PACS1: variants seen among roughly 807,000 people sequenced by gnomAD.
The protein encoded by PACS1 is PACS-1.
A neutral mutation model predicts 115.0 loss-of-function variants in PACS1; 24 were observed. That is an observed-to-expected ratio of 0.21 (90% CI 0.15 to 0.29). The LOEUF is 0.29. PACS1 is among the 10% of genes least tolerant of loss of function. The pLI, the probability that PACS1 is intolerant of heterozygous loss-of-function variation, is 1.00. For missense variants in PACS1, 838 were observed against 1,251.2 expected (o/e 0.67, Z 4.98); for synonymous variants, 453 against 504.5 (o/e 0.90, Z 1.37).
At chr11:66,215,724 C>G (rs751116505) in intron 4 of PACS1, among the ~76,000 whole-genome samples, 7 of 151,804 alleles carry the variant, frequency 4.6e-5, no homozygotes, top group African/African-American at 7.3e-5. Context: ...TAGTGAAACC[C>G]TGTCTCTACT....
intron 1 of PACS1, among the ~76,000 whole-genome samples, chr11:66,157,375 G>A (rs756639233): frequency 1.4e-4 from 21 of 152,140 alleles, no homozygotes; most frequent in Non-Finnish European, 1.0e-4. Flanking sequence ...GCTCCACTAA[G>A]TATTTGCAGT....
chr11:66,236,204 C>A lies in PACS1; in HGVS notation c.2250+264C>A, dbSNP rs2134744364. Among the ~76,000 whole-genome samples the A allele has an allele frequency of 6.6e-6, 1 of 152,276 alleles. No homozygotes were observed. The highest frequency in any genetic ancestry group is 1.9e-4 in the East Asian group (1 of 5,178). On this transcript the variant is annotated intron_variant, in intron 19 of 23. Coordinates refer to ENST00000320580, the MANE Select transcript of PACS1 (RefSeq NM_018026.4). This position sits in a 1 kb window ranked among gnomAD's most constrained non-coding sequence, Gnocchi z 4.2. ...CAGAGAATGGCTTGGCCCCAAGTGT[C>A]AGTAGTGCAGAGGTGGAGAAACCCT...
chr11:66,176,281 T>C (rs1363864363), intron 1 of PACS1, among the ~76,000 whole-genome samples: 1 of 152,216 alleles, frequency 6.6e-6, no homozygotes, highest in African/African-American at 2.4e-5. Context: ...CCCATATTTA[T>C]GTACATTTGT....
At chr11:66,096,208 T>C (rs1032975462) in intron 1 of PACS1, among the ~76,000 whole-genome samples, 10 of 94,154 alleles carry the variant, frequency 1.1e-4, no homozygotes, top group African/African-American at 3.5e-4. Flanking sequence ...TCTTTTTCTT[T>C]CTTTTTTTTT....
At chr11:66,126,126 G>A (rs944293037) in intron 1 of PACS1, among the ~76,000 whole-genome samples, 2 of 151,586 alleles carry the variant, frequency 1.3e-5, no homozygotes, top group Middle Eastern at 6.8e-3. Context: ...GTTAGTGTTC[G>A]ACATTACTAG....
chr11:66,070,393 G>T lies in PACS1; in HGVS notation c.-94G>T. 1.4e-6 allele frequency: 1 copy of T among 724,060 alleles called. No homozygotes were observed. Among genetic ancestry groups the T allele is most frequent in the Non-Finnish European group, 1.9e-6 (1 of 540,326 alleles). The allele number at this position is 724,060 out of a possible 1,614,324, so 44.9% of individuals were successfully genotyped here. A position where few individuals can be genotyped will look rare whatever the true frequency, so the allele number is the denominator to read the frequency against. On this transcript the variant is annotated 5_prime_UTR_variant, in exon 1 of 24. Coordinates refer to ENST00000320580, the MANE Select transcript of PACS1 (RefSeq NM_018026.4). The surrounding 1 kb of genome is among the most constrained non-coding windows in gnomAD (Gnocchi z 5.9). ...CTCGCGCTCGGGCAGGCGGGCTGAG[G>T]AGGCTGCCGCGCCCCCGCCGCCGCC... is the stretch of plus-strand genomic sequence containing the variant.
At chr11:66,164,223 C>CTG (rs906780658) in intron 1 of PACS1, among the ~76,000 whole-genome samples, 3 of 152,176 alleles carry the variant, frequency 2.0e-5, no homozygotes, top group African/African-American at 7.2e-5. Context: ...CTTTCGAACT[C>CTG]TACAGAGTTA....
At chr11:66,211,347 G>A (rs1359255870) in intron 4 of PACS1, 88 bp downstream of exon 4, 59 of 1,416,400 alleles carry the variant, frequency 4.2e-5, no homozygotes, top group Non-Finnish European at 2.5e-5. Flanking sequence ...CCTTCCAGAT[G>A]ATTTTCCCAG....
chr11:66,121,154 A>T (rs1054726550), intron 1 of PACS1: 20 of 440,586 alleles, frequency 4.5e-5, no homozygotes, highest in Admixed American at 4.8e-5. Context: ...AGTATTTAAA[A>T]TTTTTTTATT....
At chr11:66,172,357 C>T (rs931010483) in intron 1 of PACS1, among the ~76,000 whole-genome samples, 1 of 152,170 alleles carries the variant, frequency 6.6e-6, no homozygotes, top group East Asian at 1.9e-4. Flanking sequence ...AGTGATGGAG[C>T]GTGACTTCTG....
At chr11:66,204,596 T>C (rs1313284407) in intron 2 of PACS1, among the ~76,000 whole-genome samples, 1 of 152,180 alleles carries the variant, frequency 6.6e-6, no homozygotes, top group Non-Finnish European at 1.5e-5. Flanking sequence ...GTGGTACATA[T>C]ACACAATGGA....
intron 4 of PACS1, among the ~76,000 whole-genome samples, chr11:66,215,036 G>T (rs559799602): frequency 3.4e-4 from 52 of 152,106 alleles, no homozygotes; most frequent in African/African-American, 1.2e-3. Flanking sequence ...GGGTTCAAGT[G>T]ATTCTCCTGC....
At chr11:66,171,804 C>A (rs1382869891) in intron 1 of PACS1, among the ~76,000 whole-genome samples, 1 of 150,730 alleles carries the variant, frequency 6.6e-6, no homozygotes, top group Non-Finnish European at 1.5e-5. Flanking sequence ...TGGTCTCGAT[C>A]TCCTGACCTT....
intron 2 of PACS1, among the ~76,000 whole-genome samples, chr11:66,196,969 C>T (rs76996846): frequency 0.02 from 3,067 of 152,190 alleles, 127 homozygotes; most frequent in African/African-American, 0.071. Context: ...TTAACAGCTT[C>T]CCAGTTCTTA....
intron 1 of PACS1, among the ~76,000 whole-genome samples, chr11:66,104,029 A>G (rs568915675): frequency 6.6e-6 from 1 of 151,474 alleles, no homozygotes; most frequent in East Asian, 2.0e-4. Context: ...AAAGATAGGG[A>G]CACTTTAAAA....
intron 1 of PACS1, among the ~76,000 whole-genome samples, chr11:66,127,947 C>A (rs1049922725): frequency 6.6e-6 from 1 of 152,142 alleles, no homozygotes; most frequent in Non-Finnish European, 1.5e-5. Flanking sequence ...CTAGATCTTA[C>A]TGTGTATTTA....
chr11:66,091,713 T>C (rs1857669666), intron 1 of PACS1, among the ~76,000 whole-genome samples: 1 of 149,974 alleles, frequency 6.7e-6, no homozygotes, highest in Admixed American at 6.6e-5. Flanking sequence ...GATGTTCCCC[T>C]TCCTGTGTCC....
At chr11:66,199,419 T>C (rs1001493553) in intron 2 of PACS1, among the ~76,000 whole-genome samples, 1 of 152,076 alleles carries the variant, frequency 6.6e-6, no homozygotes, top group Non-Finnish European at 1.5e-5. Context: ...AGAGTTAACT[T>C]ACCATTCAGT....
At chr11:66,192,022 CA>C (rs955231213) in intron 1 of PACS1, among the ~76,000 whole-genome samples, 60 of 135,554 alleles carry the variant, frequency 4.4e-4, no homozygotes, top group African/African-American at 1.4e-3. Flanking sequence ...GACTCTGTCT[CA>C]AAAAAAAAAG....
Sources: gnomAD v4.1 joint callset for allele counts (sites outside exome capture counted in the v4.1 genomes callset) on GRCh38, gnomAD v4.1.1 for gene constraint, Gnocchi (gnomAD v3.1) non-coding constraint, MANE v1.5 for transcripts, NCBI Gene and HGNC (gene_info 2026-07-23, HGNC 2026-07-21) for gene names.